The following ATP9B variants were observed in gnomAD, a reference collection of about 807,000 sequenced individuals.
The protein encoded by ATP9B is probable phospholipid-transporting ATPase IIB.
ATP9B carries 110 observed loss-of-function variants against 146.1 expected under a neutral mutation model. The observed-to-expected ratio is 0.75, with a 90% CI of 0.65 to 0.88. The LOEUF (loss-of-function observed/expected upper bound fraction) is 0.88, where lower values mean the gene tolerates loss of function less well. Among genes scored for constraint, ATP9B ranks in the 40% least tolerant of loss-of-function variants. The pLI is 0.00. For synonymous variants in ATP9B, 604 were observed against 569.7 expected (o/e 1.06, Z -0.86); for missense variants, 1,499 against 1,496.4 (o/e 1.00, Z -0.03).
At chr18:79,263,575 C>T (rs1341865960) in intron 12 of ATP9B, among the ~76,000 whole-genome samples, 5 of 152,160 alleles carry the variant, frequency 3.3e-5, no homozygotes, top group Non-Finnish European at 7.3e-5. Context: ...TTGTCTTATT[C>T]CTTTTGTTTT....
chr18:79,368,192 A>G (rs1048686333), intron 26 of ATP9B, among the ~76,000 whole-genome samples: 5 of 152,212 alleles, frequency 3.3e-5, no homozygotes, highest in African/African-American at 1.2e-4. Context: ...TCAAGGCAAA[A>G]TGATTAGAAA....
Position 79,345,441 on chromosome 18 carries a change from A to T in ATP9B, c.2486A>T (p.Tyr829Phe), listed in dbSNP as rs765384934. Reference sequence around the variant, plus strand: ...TTTGTTTTCCAGGTTTGTCTAAAGTACTACGAGCATGAATTTGTGGAGCTG... The same window carrying T: ...TTTGTTTTCCAGGTTTGTCTAAAGTTCTACGAGCATGAATTTGTGGAGCTG... ...SGDSLEVCLK[Y>F]YEHEFVELAC... Residue 829 changes from tyrosine (Y) to phenylalanine (F), a missense_variant, in exon 22 of 30, where the codon TAC (tyrosine) becomes TTC (phenylalanine). Transcript: ENST00000426216. 6.2e-7 allele frequency: 1 copy of T among 1,614,092 alleles called. No individual in the cohort carries two copies. Among genetic ancestry groups the T allele is most frequent in the Non-Finnish European group, 8.5e-7 (1 of 1,180,044 alleles).
At chr18:79,082,308 C>T (rs2073351753) in intron 1 of ATP9B, among the ~76,000 whole-genome samples, 1 of 152,112 alleles carries the variant, frequency 6.6e-6, no homozygotes, top group Admixed American at 6.6e-5. Context: ...TTCCTCTAAC[C>T]TTTTTTCAAG....
chr18:79,128,090 T>C (rs917150472), intron 5 of ATP9B, among the ~76,000 whole-genome samples: 1 of 144,750 alleles, frequency 6.9e-6, no homozygotes. Flanking sequence ...GACGGAGTCT[T>C]GTTCTGTCGC....
chr18:79,205,716 A>C (rs186099744), intron 9 of ATP9B, among the ~76,000 whole-genome samples: 8 of 152,258 alleles, frequency 5.3e-5, no homozygotes, highest in Non-Finnish European at 1.2e-4. Flanking sequence ...CCATTACCGA[A>C]ATGTAGGCCA....
In ATP9B at chr18:79,377,422, C is replaced by G. The variant is rs2097108693; in HGVS notation, c.*39C>G. Reference sequence around the variant, plus strand: ...CCCAGCGGGCTGGCCCCAGCACCTTCTGCCCTTCCCAGCACCTTGTGCCCT... The same window carrying G: ...CCCAGCGGGCTGGCCCCAGCACCTTGTGCCCTTCCCAGCACCTTGTGCCCT... On this transcript the variant is annotated 3_prime_UTR_variant, in exon 30 of 30. Coordinates refer to ENST00000426216, the MANE Select transcript of ATP9B (RefSeq NM_198531.5). 2 of 1,598,300 alleles carry G rather than the reference C, an allele frequency of 1.3e-6. No homozygotes were observed. Among genetic ancestry groups the G allele is most frequent in the Non-Finnish European group, 1.7e-6 (2 of 1,177,824 alleles).
chr18:79,251,000 T>G (rs2096017357), intron 11 of ATP9B, among the ~76,000 whole-genome samples: 1 of 152,256 alleles, frequency 6.6e-6, no homozygotes, highest in South Asian at 2.1e-4. Flanking sequence ...TTGAAGAGTT[T>G]CTGTTGAAAA....
intron 8 of ATP9B, among the ~76,000 whole-genome samples, chr18:79,191,352 AT>A (rs1287527384): frequency 3.9e-5 from 6 of 152,004 alleles, no homozygotes; most frequent in African/African-American, 1.2e-4. Context: ...GAATCTGTAC[AT>A]TTCTGGCTGA....
At chr18:79,132,246 T>A (rs9946964) in intron 5 of ATP9B, among the ~76,000 whole-genome samples, 38,015 of 152,104 alleles carry the variant, frequency 0.25, 5,090 homozygotes, top group East Asian at 0.5. Context: ...ACATGAAAAT[T>A]TACCATTTAA....
chr18:79,130,452 A>T (rs2094358830), intron 5 of ATP9B, among the ~76,000 whole-genome samples: 1 of 151,880 alleles, frequency 6.6e-6, no homozygotes, highest in South Asian at 2.1e-4. Context: ...CTCTTAAGAG[A>T]CCTGTGGGAC....
intron 7 of ATP9B, chr18:79,173,751 G>A: frequency 2.2e-6 from 1 of 455,862 alleles, no homozygotes; most frequent in Non-Finnish European, 4.4e-6. Context: ...TTAAAATCTG[G>A]TGGGCTGATT....
At chr18:79,295,753 C>T (rs1419291623) in intron 13 of ATP9B, among the ~76,000 whole-genome samples, 1 of 152,148 alleles carries the variant, frequency 6.6e-6, no homozygotes, top group Non-Finnish European at 1.5e-5. Flanking sequence ...GTGACTGGGT[C>T]ATGGGGCAGA....
chr18:79,308,135 G>A (rs1268785676), intron 15 of ATP9B, among the ~76,000 whole-genome samples: 1 of 152,054 alleles, frequency 6.6e-6, no homozygotes, highest in African/African-American at 2.4e-5. Context: ...GAGACAAGAC[G>A]CAACTTCACA....
At chr18:79,206,662 A>AAATG (rs201532857) in intron 9 of ATP9B, among the ~76,000 whole-genome samples, 1 of 149,438 alleles carries the variant, frequency 6.7e-6, no homozygotes, top group African/African-American at 2.5e-5. Context: ...ATAAATAAAT[A>AAATG]TTAGAAGGTA....
At chr18:79,337,535 C>T (rs773282018) in intron 19 of ATP9B, 86 bp downstream of exon 19, 1 of 1,513,262 alleles carries the variant, frequency 6.6e-7, no homozygotes, top group Non-Finnish European at 8.8e-7. Flanking sequence ...TTGTGAAACT[C>T]CTGTGGGGTC....
rs1356861351 is a variant in ATP9B, at chr18:79,377,312, C to T, written c.3373C>T (p.Leu1125Phe). The change falls in exon 30 of 30, where the codon CTC (leucine) becomes TTC (phenylalanine). Residue 1125 changes from leucine (L) to phenylalanine (F), a missense_variant. Physicochemically the swap from Leu to Phe is conservative, Grantham distance 22. Coordinates refer to ENST00000426216, the MANE Select transcript of ATP9B (RefSeq NM_198531.5). ...KVSAITVVSC[L>F]PLYVLKYLRR... Reference sequence around the variant, plus strand: ...GTCGGCGATCACCGTGGTCAGCTGCCTCCCGCTGTATGTCCTCAAGTACCT... The same window carrying T: ...GTCGGCGATCACCGTGGTCAGCTGCTTCCCGCTGTATGTCCTCAAGTACCT... The T allele has an allele frequency of 4.3e-6, 7 of 1,612,374 alleles. No individual in the cohort carries two copies. Among genetic ancestry groups the T allele is most frequent in the South Asian group, 1.1e-5 (1 of 91,084 alleles).
At chr18:79,278,202 G>A (rs1471965491) in intron 13 of ATP9B, among the ~76,000 whole-genome samples, 2 of 152,196 alleles carry the variant, frequency 1.3e-5, no homozygotes, top group Non-Finnish European at 2.9e-5. Flanking sequence ...AGAAGACACA[G>A]AGGCAGGAAC....
intron 5 of ATP9B, among the ~76,000 whole-genome samples, chr18:79,128,569 G>A (rs1474528140): frequency 6.6e-6 from 1 of 152,058 alleles, no homozygotes; most frequent in African/African-American, 2.4e-5. Flanking sequence ...TAGTATTGGA[G>A]AAAAAAACCC....
At position 79,348,183 on chromosome 18, in the gene ATP9B, T is replaced by G. The variant is rs759218285; in HGVS notation, c.2890T>G (p.Phe964Val). 6.2e-7 allele frequency: 1 copy of G among 1,607,530 alleles called. No homozygotes were observed. Among genetic ancestry groups the G allele is most frequent in the Non-Finnish European group, 8.5e-7 (1 of 1,177,232 alleles). Residue 964 changes from phenylalanine to valine, a missense_variant, in exon 25 of 30, where the codon TTC (phenylalanine) becomes GTC (valine). Coordinates refer to ENST00000426216, the MANE Select transcript of ATP9B (RefSeq NM_198531.5). ...YFASVPLYQG[F>V]LMVGYATIYT... is the part of the protein sequence containing the mutation. Reference sequence around the variant, plus strand: ...CGCATCCGTCCCTTTGTATCAGGGCTTCCTCATGGTGGGGTAAGTTACACT... The same window carrying G: ...CGCATCCGTCCCTTTGTATCAGGGCGTCCTCATGGTGGGGTAAGTTACACT...
Sources: allele counts gnomAD v4.1 joint callset (sites outside exome capture counted in the v4.1 genomes callset), GRCh38; gene constraint gnomAD v4.1.1; transcripts MANE v1.5; gene names NCBI Gene and HGNC (gene_info 2026-07-23, HGNC 2026-07-21).